The following USP42 variants were observed in gnomAD, a reference collection of about 807,000 sequenced individuals.
USP42 encodes the protein ubiquitin carboxyl-terminal hydrolase 42.
USP42 carries 23 observed loss-of-function variants against 113.0 expected under a neutral mutation model. The observed-to-expected ratio is 0.20, with a 90% CI of 0.15 to 0.29. The LOEUF is 0.29. Ranked by LOEUF, USP42 falls within the 10% of genes least tolerant of loss-of-function variation. The pLI is 1.00. For synonymous variants in USP42, 933 were observed against 699.0 expected, an observed-to-expected ratio of 1.33 and a Z score of -5.28; for missense variants, 2,174 against 1,779.8, an observed-to-expected ratio of 1.22 and a Z score of -3.99.
the USP42 span, among the ~76,000 whole-genome samples, chr7:6,096,174 G>C: frequency 6.6e-6 from 1 of 150,816 alleles, no homozygotes. Flanking sequence ...GGTTATTATA[G>C]ACATATAGGT....
In USP42 at chr7:6,114,839, C is replaced by T. The variant is rs536945010; in HGVS notation, c.242-484C>T. On this transcript the variant is annotated intron_variant, in intron 2 of 17. Transcript: ENST00000306177. ...CCTAGTAGCTAGGACTACAGGTGCCCGTCACCGCGCCTGGCTAATTTTTTG... is the reference window on the plus strand; with the variant it reads ...CCTAGTAGCTAGGACTACAGGTGCCTGTCACCGCGCCTGGCTAATTTTTTG... Among the ~76,000 whole-genome samples, 112 of 150,780 alleles carry T rather than the reference C, an allele frequency of 7.4e-4. 1 individual carries two copies. The highest frequency in any genetic ancestry group is 2.5e-3 in the African/African-American group (104 of 41,044).
intron 3 of USP42, among the ~76,000 whole-genome samples, chr7:6,116,227 G>C (rs1779904509): frequency 6.6e-6 from 1 of 151,942 alleles, no homozygotes; most frequent in South Asian, 2.1e-4. Flanking sequence ...ATAAGCCTTA[G>C]AGGAGAGGGA....
intron 3 of USP42, among the ~76,000 whole-genome samples, chr7:6,135,048 C>A (rs1352637260): frequency 6.6e-6 from 1 of 152,156 alleles, no homozygotes; most frequent in Non-Finnish European, 1.5e-5. Flanking sequence ...CCTCAGCTTC[C>A]CAGAGTGCTG....
chr7:6,095,215 T>G, the USP42 span, among the ~76,000 whole-genome samples: 2 of 151,144 alleles, frequency 1.3e-5, no homozygotes, highest in Non-Finnish European at 2.9e-5. Flanking sequence ...GTGAACCCAG[T>G]GAGGGATGTG....
At position 6,140,201 on chromosome 7, in the gene USP42, C is replaced by G; in HGVS notation, c.724+6C>G. 6.2e-7 allele frequency: 1 copy of G among 1,611,670 alleles called. No individual in the cohort carries two copies. Among genetic ancestry groups the G allele is most frequent in the Non-Finnish European group, 8.5e-7 (1 of 1,178,036 alleles). Reference sequence around the variant, plus strand: ...AGGATACCTAAGATCTAGAGGTAAGCTTTTGCTTATAAGTTGATAAAATGA... The same window carrying G: ...AGGATACCTAAGATCTAGAGGTAAGGTTTTGCTTATAAGTTGATAAAATGA... On this transcript the variant is annotated splice_donor_region_variant and intron_variant, in intron 6 of 17. Transcript: ENST00000306177.
intron 1 of USP42, among the ~76,000 whole-genome samples, chr7:6,108,446 A>G (rs1440012723): frequency 6.6e-6 from 1 of 152,090 alleles, no homozygotes; most frequent in Admixed American, 6.5e-5. Context: ...TATTATCCCT[A>G]CTTCATAGCA....
In USP42 at chr7:6,154,805, A is replaced by C; in HGVS notation, c.3251A>C (p.Glu1084Ala). 1.9e-6 allele frequency: 3 copies of C among 1,545,604 alleles called. No homozygotes were observed. Among genetic ancestry groups the C allele is most frequent in the Non-Finnish European group, 2.6e-6 (3 of 1,144,470 alleles). Reference sequence around the variant, plus strand: ...CCCTTCCACGGCGGCCGCGAGCACGAGCGGGCCGGGCTGCACGAGCGGCCG... The same window carrying C: ...CCCTTCCACGGCGGCCGCGAGCACGCGCGGGCCGGGCTGCACGAGCGGCCG... ...WKPFHGGREHERAGLHERPHK... is the reference protein window; with the variant it reads ...WKPFHGGREHARAGLHERPHK... The change falls in exon 15 of 18, where the codon GAG (glutamate) becomes GCG (alanine). Residue 1084 changes from glutamate (E) to alanine (A), a missense_variant. By Grantham distance (107) the Glu-to-Ala change is moderately radical. Transcript: ENST00000306177.
In USP42 at chr7:6,154,872, C is replaced by T. The variant is rs535675728; in HGVS notation, c.3318C>T (p.Ala1106=). ...HNRGRRGCEP[A]RERERHRPSS... ...GGGGCCGTAGGGGCTGCGAGCCGGCCCGGGAGAGGGAGCGGCACCGCCCCA... is the reference window on the plus strand; with the variant it reads ...GGGGCCGTAGGGGCTGCGAGCCGGCTCGGGAGAGGGAGCGGCACCGCCCCA... Residue 1106 remains alanine (A), a synonymous_variant, in exon 15 of 18, where the codon GCC becomes GCT. Transcript: ENST00000306177. 3.6e-5 allele frequency: 55 copies of T among 1,528,308 alleles called. 2 individuals are homozygous for T. The South Asian group carries it at 6.1e-4, about 17-fold the overall frequency. 94.7% of individuals were successfully genotyped at this position (1,528,308 alleles called of 1,614,324 possible). A position where few individuals can be genotyped will look rare whatever the true frequency, so the allele number is the denominator to read the frequency against.
chr7:6,129,350 G>T (rs1000054556), intron 3 of USP42, among the ~76,000 whole-genome samples: 11 of 149,018 alleles, frequency 7.4e-5, no homozygotes, highest in Admixed American at 1.3e-4. Context: ...GAGGTCAGGA[G>T]TTTGAGACCA....
Position 6,157,778 on chromosome 7 carries a change from A to G in USP42, c.3943+723A>G, listed in dbSNP as rs1562863062. Among the ~76,000 whole-genome samples, 1 of 152,172 alleles carries G rather than the reference A, an allele frequency of 6.6e-6. No individual in the cohort carries two copies. Reference sequence around the variant, plus strand: ...AAGCGTGGGCACCAGCCTCTGCTTGAGTGACACTGCAGAGGCCTCCATGTG... The same window carrying G: ...AAGCGTGGGCACCAGCCTCTGCTTGGGTGACACTGCAGAGGCCTCCATGTG... On this transcript the variant is annotated intron_variant, in intron 16 of 17. Coordinates refer to ENST00000306177, the MANE Select transcript of USP42 (RefSeq NM_032172.3). The surrounding 1 kb of genome is among the most constrained non-coding windows in gnomAD (Gnocchi z 4.1).
intron 4 of USP42, among the ~76,000 whole-genome samples, chr7:6,136,951 TAAAAG>T (rs1481573300): frequency 4.6e-5 from 7 of 152,252 alleles, no homozygotes; most frequent in South Asian, 2.1e-4. Context: ...ATTACAGTCT[TAAAAG>T]AATATATACT....
the USP42 span, among the ~76,000 whole-genome samples, chr7:6,095,219 G>A: frequency 0.26 from 38,853 of 150,950 alleles, 6,586 homozygotes; most frequent in East Asian, 0.73. Flanking sequence ...ACCCAGTGAG[G>A]GATGTGGGTC....
chr7:6,141,052 T>G (rs1485508225), intron 7 of USP42, 68 bp downstream of exon 7: 2 of 795,662 alleles, frequency 2.5e-6, no homozygotes, highest in African/African-American at 3.6e-5. Context: ...TGTAGTTCAT[T>G]TATAATTTAG....
the USP42 span, chr7:6,084,629 C>G: frequency 2.0e-5 from 3 of 151,460 alleles, no homozygotes; most frequent in African/African-American, 7.4e-5. Flanking sequence ...AAGGCCTACA[C>G]CATTCGCCAT....
rs1782287833 is a variant in USP42, at chr7:6,154,448, C to T, written c.2894C>T (p.Pro965Leu). The T allele has an allele frequency of 1.3e-6, 2 of 1,566,980 alleles. No individual in the cohort carries two copies. The highest frequency in any genetic ancestry group is 2.7e-5 in the African/African-American group (2 of 73,798). ...AGAGAGCGCTCGTCCAGCGGGGAGC[C>T]CGCCAGAGAGAGCAGGAGCAAGACT... ...SRRERSSSGE[P>L]ARESRSKTEG... Residue 965 changes from proline (P) to leucine (L), a missense_variant, in exon 15 of 18, where the codon CCC (proline) becomes CTC (leucine). By Grantham distance (98) the Pro-to-Leu change is moderately conservative. Transcript: ENST00000306177.
chr7:6,145,255 C>T (rs1781651459), intron 9 of USP42, among the ~76,000 whole-genome samples: 1 of 151,188 alleles, frequency 6.6e-6, no homozygotes, highest in East Asian at 2.0e-4. Flanking sequence ...CACTTGAACC[C>T]GGGAGGCGGA....
intron 3 of USP42, among the ~76,000 whole-genome samples, chr7:6,119,721 A>C (rs1237508445): frequency 6.6e-6 from 1 of 151,126 alleles, no homozygotes; most frequent in Non-Finnish European, 1.5e-5. Context: ...GTTTTTTTTT[A>C]GTGACATTCT....
intron 3 of USP42, among the ~76,000 whole-genome samples, chr7:6,119,437 C>G (rs1780092219): frequency 6.6e-6 from 1 of 152,116 alleles, no homozygotes; most frequent in South Asian, 2.1e-4. Flanking sequence ...TGCAGGTACG[C>G]TGCAGCCTGG....
the USP42 span, chr7:6,084,430 A>G: frequency 6.6e-6 from 1 of 151,376 alleles, no homozygotes; most frequent in East Asian, 1.9e-4. Context: ...TTGCCCTAGG[A>G]GGCTTGACTC....
Sources: allele counts gnomAD v4.1 joint callset (sites outside exome capture counted in the v4.1 genomes callset), GRCh38; gene constraint gnomAD v4.1.1; non-coding constraint Gnocchi (gnomAD v3.1); transcripts MANE v1.5; gene names NCBI Gene and HGNC (gene_info 2026-07-23, HGNC 2026-07-21).